Variants in CIMAP1D observed in about 807,000 individuals in gnomAD.
The protein encoded by CIMAP1D is CIMAP1 family member D.
At chr19:463,583 A>AGG in the CIMAP1D span, 1 of 536,468 alleles carries the variant, frequency 1.9e-6, no homozygotes, top group African/African-American at 2.0e-5. Context: ...CCCTTTCCCC[A>AGG]CCTGGCCTGG....
the CIMAP1D span, among the ~76,000 whole-genome samples, chr19:470,505 C>T: frequency 6.6e-6 from 1 of 152,210 alleles, no homozygotes; most frequent in African/African-American, 2.4e-5. Flanking sequence ...GCCACCGCGC[C>T]CGGCCCATAG....
At chr19:465,889 C>G in the CIMAP1D span, among the ~76,000 whole-genome samples, 124 of 88,446 alleles carry the variant, frequency 1.4e-3, no homozygotes, top group Non-Finnish European at 1.5e-3. Context: ...GGTGGATGGG[C>G]GGGTGGATGG....
At chr19:490,356 A>T in the CIMAP1D span, 7,181 of 173,230 alleles carry the variant, frequency 0.041, 325 homozygotes, top group East Asian at 0.24. Context: ...AACTCCAGCT[A>T]AAAAAAAAAG....
chr19:472,606 G>T, the CIMAP1D span: 2 of 800,292 alleles, frequency 2.5e-6, no homozygotes, highest in Non-Finnish European at 3.7e-6. Context: ...CTCCCTCCAT[G>T]GTGAGGATTG....
At chr19:464,900 A>G in the CIMAP1D span, among the ~76,000 whole-genome samples, 1 of 149,394 alleles carries the variant, frequency 6.7e-6, no homozygotes, top group African/African-American at 2.5e-5. Flanking sequence ...TGATGGATGG[A>G]TGGATGGATG....
the CIMAP1D span, among the ~76,000 whole-genome samples, chr19:481,121 GTGGGAAGGATGATGGGGAAGGATGA>G: frequency 0.019 from 1,201 of 61,874 alleles, 2 homozygotes; most frequent in African/African-American, 0.11. Flanking sequence ...GAGAAGGAAT[GTGGGAAGGATGATGGGGAAGGATGA>G]TGGGAAGGAT....
the CIMAP1D span, among the ~76,000 whole-genome samples, chr19:478,122 A>G: frequency 6.6e-6 from 1 of 152,240 alleles, no homozygotes; most frequent in African/African-American, 2.4e-5. Flanking sequence ...GAGCCACAGC[A>G]GGGATGGGTG....
chr19:481,527 G>A, the CIMAP1D span, among the ~76,000 whole-genome samples: 1 of 143,590 alleles, frequency 7.0e-6, no homozygotes, highest in Admixed American at 7.0e-5. Context: ...GGATGATGGG[G>A]AAGGATGATG....
chr19:486,094 G>A, the CIMAP1D span, among the ~76,000 whole-genome samples: 2 of 152,232 alleles, frequency 1.3e-5, no homozygotes, highest in Non-Finnish European at 2.9e-5. Flanking sequence ...GGACAGTGAG[G>A]ACAGGACCAG....
At chr19:490,137 C>T in the CIMAP1D span, 3 of 386,976 alleles carry the variant, frequency 7.8e-6, no homozygotes, top group Non-Finnish European at 9.1e-6. Context: ...AGGTGGATCA[C>T]CTGAGGTCAG....
the CIMAP1D span, among the ~76,000 whole-genome samples, chr19:474,063 A>G: frequency 6.6e-6 from 1 of 152,302 alleles, no homozygotes; most frequent in Non-Finnish European, 1.5e-5. Context: ...ACACGGTCAC[A>G]GACGCCATGT....
the CIMAP1D span, among the ~76,000 whole-genome samples, chr19:491,241 C>T: frequency 2.0e-5 from 3 of 152,162 alleles, no homozygotes; most frequent in Non-Finnish European, 4.4e-5. Flanking sequence ...CTCACCACTG[C>T]ACTCCAGCCT....
At chr19:488,451 G>T in the CIMAP1D span, among the ~76,000 whole-genome samples, 1 of 152,256 alleles carries the variant, frequency 6.6e-6, no homozygotes, top group Non-Finnish European at 1.5e-5. Context: ...GAACCCGGGA[G>T]GCGGAGCTTG....
At chr19:475,616 C>A in the CIMAP1D span, among the ~76,000 whole-genome samples, 1 of 152,074 alleles carries the variant, frequency 6.6e-6, no homozygotes. Context: ...CTCACTGCCT[C>A]CCAGATGCCT....
chr19:486,125 C>A, the CIMAP1D span, among the ~76,000 whole-genome samples: 1 of 152,252 alleles, frequency 6.6e-6, no homozygotes, highest in Non-Finnish European at 1.5e-5. Flanking sequence ...CTGCTGGGCA[C>A]CCAGCCCATG....
chr19:474,339 G>A, the CIMAP1D span, among the ~76,000 whole-genome samples: 4 of 152,196 alleles, frequency 2.6e-5, no homozygotes, highest in Admixed American at 6.5e-5. Context: ...CGCGTCTCCC[G>A]CATGATCGCT....
At chr19:464,140 C>CGGGGGGGGGGCG in the CIMAP1D span, 1 of 796,576 alleles carries the variant, frequency 1.3e-6, no homozygotes. Context: ...GGGGGGCGGG[C>CGGGGGGGGGGCG]GGGGGGGGTG....
chr19:480,526 TG>T, the CIMAP1D span, among the ~76,000 whole-genome samples: 43 of 88,152 alleles, frequency 4.9e-4, no homozygotes, highest in African/African-American at 4.8e-3. Flanking sequence ...GGAAGGATGA[TG>T]GGGAAGGATG....
At chr19:477,635 A>G in the CIMAP1D span, among the ~76,000 whole-genome samples, 1 of 151,938 alleles carries the variant, frequency 6.6e-6, no homozygotes, top group Non-Finnish European at 1.5e-5. Context: ...CATCCCAAAA[A>G]AGCTGGTCTT....
Sources: allele counts gnomAD v4.1 joint callset (sites outside exome capture counted in the v4.1 genomes callset), GRCh38; gene constraint gnomAD v4.1.1; transcripts MANE v1.5; gene names NCBI Gene and HGNC (gene_info 2026-07-23, HGNC 2026-07-21).